Variants in CDH4 observed in about 807,000 individuals in gnomAD.
CDH4 encodes the protein cadherin-4.
In CDH4, 33 loss-of-function variants were observed where a neutral mutation model predicts 86.0. That is an observed-to-expected ratio of 0.38 (90% CI 0.29 to 0.51). The LOEUF is 0.51. CDH4 is among the 20% of genes least tolerant of loss of function. The pLI is 0.86. For missense variants in CDH4, 1,114 were observed against 1,307.4 expected, an observed-to-expected ratio of 0.85 and a Z score of 2.28; for synonymous variants, 555 against 549.4, an observed-to-expected ratio of 1.01 and a Z score of -0.14.
rs573938789 is a variant in CDH4, at chr20:61,470,268, T to C, written c.169+215331T>C. ...GTTGTTATTATAGATCTTTTACTTC[T>C]TTGGTGTTAATTCTTAGGTGTTTTA... On this transcript the variant is annotated intron_variant, in intron 2 of 15. Coordinates refer to ENST00000614565, the MANE Select transcript of CDH4 (RefSeq NM_001794.5). Among the ~76,000 whole-genome samples the C allele has an allele frequency of 8.5e-5, 13 of 152,214 alleles. No homozygotes were observed. The East Asian group carries it at 2.3e-3, about 27-fold the overall frequency.
intron 3 of CDH4, among the ~76,000 whole-genome samples, chr20:61,761,927 A>AGCAGGCAGCGCCGCACG (rs1310574898): frequency 1.2e-4 from 19 of 152,192 alleles, no homozygotes; most frequent in East Asian, 5.8e-4. Context: ...AGCTCCGCAC[A>AGCAGGCAGCGCCGCACG]GCAGGCAGCG....
chr20:61,923,401 T>TC (rs1568890155), intron 9 of CDH4, 50 bp from the exon 10 acceptor site: 9 of 1,598,800 alleles, frequency 5.6e-6, no homozygotes, highest in Non-Finnish European at 7.7e-6. Context: ...CCATGCCCAC[T>TC]CCCACGGGAG....
chr20:61,340,720 G>A (rs1410826103), intron 2 of CDH4, among the ~76,000 whole-genome samples: 2 of 151,906 alleles, frequency 1.3e-5, no homozygotes, highest in Admixed American at 6.6e-5. Flanking sequence ...AAATAGCTGG[G>A]ACCACAGGCA....
In CDH4 at chr20:61,693,155, C is replaced by T. The variant is rs780848973; in HGVS notation, c.170-50408C>T. ...AGAGGCCAGTCACTTTCAAGGCACA[C>T]CACAGTATATCAGATGCTTCCCTGT... On this transcript the variant is annotated intron_variant, in intron 2 of 15. Coordinates refer to ENST00000614565, the MANE Select transcript of CDH4 (RefSeq NM_001794.5). 7.9e-5 allele frequency among the ~76,000 whole-genome samples: 12 copies of T among 152,278 alleles called. 1 individual carries two copies. Among genetic ancestry groups the T allele is most frequent in the Middle Eastern group, 6.8e-3 (2 of 294 alleles).
At position 61,883,762 on chromosome 20, in the gene CDH4, G is replaced by A. The variant is rs925232870; in HGVS notation, c.1050+9862G>A. ...AGCCCCCAGCGCCTGCTGGACTGAC[G>A]GGACCTCCCCTGCCTGCCTCCATCT... On this transcript the variant is annotated intron_variant, in intron 7 of 15. Transcript: ENST00000614565. Among the ~76,000 whole-genome samples, 9 of 152,322 alleles carry A rather than the reference G, an allele frequency of 5.9e-5. No homozygotes were observed. The South Asian group carries it at 6.2e-4, about 11-fold the overall frequency.
intron 2 of CDH4, among the ~76,000 whole-genome samples, chr20:61,581,301 G>T (rs942484797): frequency 6.6e-6 from 1 of 152,214 alleles, no homozygotes; most frequent in Non-Finnish European, 1.5e-5. Context: ...AAACAACAGC[G>T]GTTTGTTCTC....
chr20:61,368,546 A>AT (rs897452791), intron 2 of CDH4, among the ~76,000 whole-genome samples: 321 of 147,110 alleles, frequency 2.2e-3, no homozygotes, highest in South Asian at 0.014. Context: ...AGGAATGGTA[A>AT]TTTTTTTTTT....
chr20:61,688,086 C>T (rs2087608346), intron 2 of CDH4, among the ~76,000 whole-genome samples: 1 of 152,088 alleles, frequency 6.6e-6, no homozygotes, highest in African/African-American at 2.4e-5. Flanking sequence ...GATCACAGGA[C>T]CCCGCCGACA....
intron 2 of CDH4, among the ~76,000 whole-genome samples, chr20:61,445,128 TC>T (rs1311416858): frequency 1.3e-5 from 2 of 152,136 alleles, no homozygotes; most frequent in Admixed American, 6.5e-5. Flanking sequence ...TCTCCACTCT[TC>T]CCCCACTCCC....
chr20:61,351,521 A>G (rs2084712408), intron 2 of CDH4, among the ~76,000 whole-genome samples: 1 of 152,132 alleles, frequency 6.6e-6, no homozygotes, highest in Non-Finnish European at 1.5e-5. Flanking sequence ...TAGTTCTGCA[A>G]CTTACTTTTG....
rs1006708543 is a variant in CDH4, at chr20:61,333,599, C to T, written c.169+78662C>T. 7.9e-5 allele frequency among the ~76,000 whole-genome samples: 12 copies of T among 152,210 alleles called. 1 individual carries two copies. The highest frequency in any genetic ancestry group is 7.8e-4 in the Admixed American group (12 of 15,288). On this transcript the variant is annotated intron_variant, in intron 2 of 15. Coordinates refer to ENST00000614565, the MANE Select transcript of CDH4 (RefSeq NM_001794.5). ...GTAGTTGGTGTGTGTGGCTGACCCT[C>T]TCCTCCCAGAGCCACCTGCAAGGAC...
chr20:61,291,074 CTCTG>C lies in CDH4; in HGVS notation c.169+36141_169+36144del, dbSNP rs1392369171. 4.6e-5 allele frequency among the ~76,000 whole-genome samples: 7 copies of C among 152,124 alleles called. No individual in the cohort carries two copies. The East Asian group carries it at 7.7e-4, about 17-fold the overall frequency. ...CCCCCAACCCCTGTCTCACACTCAG[CTCTG>C]TCTTTTTGGCTTTCCTGCCTGCACC... On this transcript the variant is annotated intron_variant, in intron 2 of 15. Transcript: ENST00000614565.
chr20:61,915,374 CG>C (rs2122944048), intron 9 of CDH4, among the ~76,000 whole-genome samples: 1 of 152,326 alleles, frequency 6.6e-6, no homozygotes, highest in Admixed American at 6.5e-5. Flanking sequence ...CAGATGGTAC[CG>C]TCTGACCAGC....
intron 3 of CDH4, among the ~76,000 whole-genome samples, chr20:61,767,990 C>G (rs6089503): frequency 6.6e-6 from 1 of 152,174 alleles, no homozygotes; most frequent in Non-Finnish European, 1.5e-5. Flanking sequence ...GGGCGGCTGC[C>G]TTGGAGCTCC....
At chr20:61,339,176 C>T (rs1471051667) in intron 2 of CDH4, among the ~76,000 whole-genome samples, 2 of 152,220 alleles carry the variant, frequency 1.3e-5, no homozygotes, top group East Asian at 3.9e-4. Flanking sequence ...CATCCCCAAA[C>T]ACTATATTTT....
chr20:61,502,589 G>A (rs2145602447), intron 2 of CDH4, among the ~76,000 whole-genome samples: 1 of 152,312 alleles, frequency 6.6e-6, no homozygotes, highest in Non-Finnish European at 1.5e-5. Flanking sequence ...TGAGTCATAT[G>A]TGGAAAATCT....
chr20:61,523,070 C>G (rs2085884457), intron 2 of CDH4, among the ~76,000 whole-genome samples: 1 of 152,210 alleles, frequency 6.6e-6, no homozygotes, highest in South Asian at 2.1e-4. Context: ...CAACCCACAC[C>G]AGGTGACAGG....
At chr20:61,353,879 T>C (rs937358831) in intron 2 of CDH4, among the ~76,000 whole-genome samples, 2 of 151,554 alleles carry the variant, frequency 1.3e-5, no homozygotes, top group African/African-American at 4.9e-5. Flanking sequence ...TAATGAAATT[T>C]ATCTTTGAGC....
chr20:61,630,241 A>G (rs970678580), intron 2 of CDH4, among the ~76,000 whole-genome samples: 2 of 152,182 alleles, frequency 1.3e-5, no homozygotes, highest in Non-Finnish European at 2.9e-5. Context: ...CGCATGTTGC[A>G]TCCTCCTAAC....
Sources: gnomAD v4.1 joint callset for allele counts (sites outside exome capture counted in the v4.1 genomes callset) on GRCh38, gnomAD v4.1.1 for gene constraint, MANE v1.5 for transcripts, NCBI Gene and HGNC (gene_info 2026-07-23, HGNC 2026-07-21) for gene names.